The following ITGA8 variants were observed in gnomAD, a reference collection of about 807,000 sequenced individuals.
ITGA8 encodes the protein integrin alpha-8.
ITGA8 carries 91 observed loss-of-function variants against 142.3 expected under a neutral mutation model. The ratio of observed to expected loss-of-function variants is 0.64; its 90% CI spans 0.54 to 0.76. The LOEUF (loss-of-function observed/expected upper bound fraction) is 0.76, where lower values mean the gene tolerates loss of function less well. Ranked by LOEUF, ITGA8 falls within the 30% of genes least tolerant of loss-of-function variation. The pLI is 0.00. For synonymous variants in ITGA8, 505 were observed against 485.2 expected (o/e 1.04, Z -0.54); for missense variants, 1,406 against 1,327.7 (o/e 1.06, Z -0.92).
chr10:15,543,948 G>C (rs2131553769), intron 27 of ITGA8, among the ~76,000 whole-genome samples: 1 of 152,164 alleles, frequency 6.6e-6, no homozygotes, highest in African/African-American at 2.4e-5. Flanking sequence ...TGGAAGGAGA[G>C]TAGAGTGATG....
At chr10:15,647,509 G>T (rs1283005165) in intron 11 of ITGA8, among the ~76,000 whole-genome samples, 15 of 127,114 alleles carry the variant, frequency 1.2e-4, no homozygotes, top group African/African-American at 3.1e-4. Context: ...AGGCCGGACT[G>T]CGGACTGCAG....
chr10:15,589,557 G>A (rs562004139), intron 22 of ITGA8, among the ~76,000 whole-genome samples: 2 of 152,228 alleles, frequency 1.3e-5, no homozygotes, highest in African/African-American at 2.4e-5. Flanking sequence ...GCAGGTCATG[G>A]CAGTCAATAT....
chr10:15,533,226 G>C (rs990483468), intron 27 of ITGA8, among the ~76,000 whole-genome samples: 6 of 152,086 alleles, frequency 3.9e-5, no homozygotes, highest in Non-Finnish European at 1.5e-5. Context: ...GTAAGGGCAG[G>C]ACATAGTATG....
chr10:15,651,352 C>T (rs892672908), intron 11 of ITGA8, among the ~76,000 whole-genome samples: 2 of 152,132 alleles, frequency 1.3e-5, no homozygotes, highest in East Asian at 1.9e-4. Flanking sequence ...ATAATTTCCC[C>T]AGCTTGTTTA....
At chr10:15,674,564 C>T (rs1279931244) in intron 6 of ITGA8, among the ~76,000 whole-genome samples, 1 of 152,130 alleles carries the variant, frequency 6.6e-6, no homozygotes, top group African/African-American at 2.4e-5. Flanking sequence ...TTTTTAAATA[C>T]CAAAATGTTA....
At chr10:15,683,953 A>G (rs766437542) in intron 4 of ITGA8, 51 bp downstream of exon 4, 4 of 1,610,536 alleles carry the variant, frequency 2.5e-6, no homozygotes, top group Non-Finnish European at 3.4e-6. Flanking sequence ...CCTGTCTACG[A>G]TAGAAAAGCA....
At position 15,558,123 on chromosome 10, in the gene ITGA8, C is replaced by T; in HGVS notation, c.2717G>A (p.Arg906Lys). ...GTGGAATTCGACCACATGTACATCCCTCTTCCTGACAAGATGAGGAATAGT... is the reference window on the plus strand; with the variant it reads ...GTGGAATTCGACCACATGTACATCCTTCTTCCTGACAAGATGAGGAATAGT... ...NSTIPHLVRK[R>K]DVHVVEFHRQ... Residue 906 changes from arginine to lysine, a missense_variant, in exon 26 of 30, where the codon AGG (arginine) becomes AAG (lysine). Arg to Lys is a conservative substitution (Grantham distance 26). Coordinates refer to ENST00000378076, the MANE Select transcript of ITGA8 (RefSeq NM_003638.3). 1 of 1,614,192 alleles carries T rather than the reference C, an allele frequency of 6.2e-7. No individual in the cohort carries two copies. Among genetic ancestry groups the T allele is most frequent in the Non-Finnish European group, 8.5e-7 (1 of 1,180,046 alleles).
chr10:15,609,516 C>T (rs973129556), intron 15 of ITGA8, among the ~76,000 whole-genome samples: 2 of 152,196 alleles, frequency 1.3e-5, no homozygotes, highest in Admixed American at 1.3e-4. Flanking sequence ...TAATTTGCCA[C>T]ATACCATTAA....
In ITGA8 at chr10:15,703,801, C is replaced by T. The variant is rs996973782; in HGVS notation, c.343+14965G>A. Among the ~76,000 whole-genome samples the T allele has an allele frequency of 2.2e-4, 34 of 152,170 alleles. 1 individual carries two copies. The highest frequency in any genetic ancestry group is 8.2e-4 in the African/African-American group (34 of 41,440). On this transcript the variant is annotated intron_variant, in intron 2 of 29. Coordinates refer to ENST00000378076, the MANE Select transcript of ITGA8 (RefSeq NM_003638.3). ...TGCTCAAACACACAGACACACCATTCTTCAGCTCCAACCTTTTATGTTGTA... is the reference window on the plus strand; with the variant it reads ...TGCTCAAACACACAGACACACCATTTTTCAGCTCCAACCTTTTATGTTGTA...
chr10:15,565,673 T>C (rs1057006784), intron 25 of ITGA8, among the ~76,000 whole-genome samples: 3 of 136,354 alleles, frequency 2.2e-5, no homozygotes, highest in Non-Finnish European at 4.6e-5. Context: ...CTCTGCAACC[T>C]CTGTCTCCCG....
At chr10:15,522,558 G>A (rs1466880399) in intron 28 of ITGA8, among the ~76,000 whole-genome samples, 1 of 152,142 alleles carries the variant, frequency 6.6e-6, no homozygotes, top group Non-Finnish European at 1.5e-5. Flanking sequence ...AAATTCCGAG[G>A]TTTCATGTAA....
intron 23 of ITGA8, among the ~76,000 whole-genome samples, chr10:15,579,007 A>G (rs1346349068): frequency 6.6e-6 from 1 of 152,150 alleles, no homozygotes; most frequent in Admixed American, 6.5e-5. Context: ...TATAAAAAAC[A>G]GTAGATAAAA....
chr10:15,610,523 A>G (rs1221540699), intron 15 of ITGA8, among the ~76,000 whole-genome samples: 4 of 152,046 alleles, frequency 2.6e-5, no homozygotes, highest in Non-Finnish European at 4.4e-5. Context: ...CATCAAATCA[A>G]TCCAAGTCCC....
intron 27 of ITGA8, among the ~76,000 whole-genome samples, chr10:15,540,273 C>T (rs1412533423): frequency 6.6e-6 from 1 of 152,162 alleles, no homozygotes; most frequent in Non-Finnish European, 1.5e-5. Context: ...CTTTAACCAA[C>T]CTCTTTTCAT....
chr10:15,640,798 C>T (rs2131642796), intron 13 of ITGA8, among the ~76,000 whole-genome samples: 1 of 152,214 alleles, frequency 6.6e-6, no homozygotes, highest in South Asian at 2.1e-4. Context: ...TAAAAGGGGA[C>T]TGAAAGAGGC....
intron 15 of ITGA8, 195 bp downstream of exon 15, chr10:15,613,465 C>G: frequency 1.7e-6 from 1 of 576,994 alleles, no homozygotes; most frequent in Admixed American, 3.1e-5. Flanking sequence ...ATCATAGGTT[C>G]TCTTGAAAGA....
intron 1 of ITGA8, 76 bp downstream of exon 1, chr10:15,719,487 C>T: frequency 7.3e-7 from 1 of 1,372,970 alleles, no homozygotes; most frequent in Non-Finnish European, 9.6e-7. Context: ...CGGGGGGACT[C>T]CGCGGCAGAG....
At chr10:15,619,167 C>T (rs1038127197) in intron 13 of ITGA8, among the ~76,000 whole-genome samples, 1 of 152,172 alleles carries the variant, frequency 6.6e-6, no homozygotes, top group South Asian at 2.1e-4. Flanking sequence ...TCTTCTTTTC[C>T]ATGTCTCTCT....
At position 15,687,938 on chromosome 10, in the gene ITGA8, C is replaced by T. The variant is rs1834861562; in HGVS notation, c.444G>A (p.Val148=). 1 of 1,598,830 alleles carries T rather than the reference C, an allele frequency of 6.3e-7. No homozygotes were observed. Among genetic ancestry groups the T allele is most frequent in the Admixed American group, 1.7e-5 (1 of 59,986 alleles). The change falls in exon 3 of 30, where the codon GTG becomes GTA. Residue 148 remains valine, a splice_region_variant and synonymous_variant. Transcript: ENST00000378076. ...GCACAAGCCCACGGCTCATACTCAC[C>T]ACAACTTTTCCTTTGTGAGCTTTCA... The part of the protein sequence containing the change: ...ATVKAHKGKV[V]ACAPLYHWRT...
Sources: gnomAD v4.1 joint callset for allele counts (sites outside exome capture counted in the v4.1 genomes callset) on GRCh38, gnomAD v4.1.1 for gene constraint, MANE v1.5 for transcripts, NCBI Gene and HGNC (gene_info 2026-07-23, HGNC 2026-07-21) for gene names.